EFCAB5: variants seen among roughly 807,000 people sequenced by gnomAD.
EFCAB5 encodes EF-hand calcium binding domain 5.
Under a neutral mutation model 167.9 loss-of-function variants are expected in EFCAB5, and 131 were observed. The observed-to-expected ratio is 0.78, with a 90% confidence interval of 0.68 to 0.90. The LOEUF is 0.90. EFCAB5 is among the 40% of genes least tolerant of loss of function. The probability of loss-of-function intolerance (pLI) is 0.00; values close to 1 mark genes in which losing one functional copy is unlikely to be tolerated. For missense variants in EFCAB5, 1,663 were observed against 1,745.2 expected (o/e 0.95, Z 0.84); for synonymous variants, 574 against 602.8 (o/e 0.95, Z 0.70).
intron 4 of EFCAB5, among the ~76,000 whole-genome samples, chr17:29,981,526 A>C (rs1051409336): frequency 1.3e-5 from 2 of 152,096 alleles, no homozygotes; most frequent in Non-Finnish European, 2.9e-5. Context: ...CCTTCATTGC[A>C]CTTATCACAG....
chr17:29,942,430 A>C, intron 2 of EFCAB5, 128 bp downstream of exon 2: 11 of 773,800 alleles, frequency 1.4e-5, no homozygotes, highest in Non-Finnish European at 2.1e-5. Flanking sequence ...GAAAAGGACA[A>C]ACTCATGTTG....
At chr17:30,024,585 TATC>T (rs1435653927) in intron 7 of EFCAB5, among the ~76,000 whole-genome samples, 2 of 151,982 alleles carry the variant, frequency 1.3e-5, no homozygotes, top group Non-Finnish European at 2.9e-5. Context: ...GAAGAATCAA[TATC>T]ATGAAAATGG....
intron 4 of EFCAB5, among the ~76,000 whole-genome samples, chr17:29,981,637 C>T (rs2068177706): frequency 6.6e-6 from 1 of 152,198 alleles, no homozygotes; most frequent in African/African-American, 2.4e-5. Flanking sequence ...ATGAGTAATG[C>T]TCAATAAATG....
chr17:30,080,764 T>G lies in EFCAB5; in HGVS notation c.3209T>G (p.Val1070Gly), dbSNP rs754397826. Residue 1070 changes from valine to glycine, a missense_variant, in exon 17 of 23, where the codon GTG becomes GGG. By Grantham distance (109) the Val-to-Gly change is moderately radical (BLOSUM62 -3). Transcript: ENST00000394835. The stretch of plus-strand genomic sequence containing the variant: ...CTCTTTTTCCTCAGCTTTACAGTAG[T>G]GGATGAAGGGAAGCCAATCCATGTT... ...RDMKGISFTVVDEGKPIHVPQ... is the reference protein window; with the variant it reads ...RDMKGISFTVGDEGKPIHVPQ... The G allele has an allele frequency of 6.2e-7, 1 of 1,603,006 alleles. No homozygotes were observed. The highest frequency in any genetic ancestry group is 8.5e-7 in the Non-Finnish European group (1 of 1,174,364).
chr17:30,056,258 T>TG (rs2070263518), intron 12 of EFCAB5, 102 bp downstream of exon 12: 1 of 1,040,458 alleles, frequency 9.6e-7, no homozygotes, highest in Admixed American at 2.4e-5. Flanking sequence ...TAAGGCAGAA[T>TG]GGGAAGGTGT....
At chr17:30,056,222 A>G (rs1239487553) in intron 12 of EFCAB5, 66 bp downstream of exon 12, 18 of 1,416,238 alleles carry the variant, frequency 1.3e-5, no homozygotes, top group Non-Finnish European at 1.6e-5. Flanking sequence ...TTACTGTGGT[A>G]CTCGATGATA....
chr17:30,063,273 G>A (rs1192579888), intron 14 of EFCAB5, among the ~76,000 whole-genome samples: 4 of 152,128 alleles, frequency 2.6e-5, no homozygotes, highest in African/African-American at 7.2e-5. Context: ...TGCTGCCACC[G>A]TACCTGGTCT....
intron 8 of EFCAB5, among the ~76,000 whole-genome samples, chr17:30,042,597 A>G (rs549788288): frequency 5.7e-4 from 87 of 152,334 alleles, no homozygotes; most frequent in African/African-American, 2.1e-3. Flanking sequence ...AAAAGAAAAT[A>G]GGAAAACTAG....
intron 7 of EFCAB5, among the ~76,000 whole-genome samples, chr17:30,017,228 A>C (rs376854305): frequency 2.6e-5 from 4 of 152,114 alleles, no homozygotes. Context: ...AAAACCACAC[A>C]AAAAATAGAA....
chr17:30,100,435 G>A (rs987257845), intron 22 of EFCAB5, among the ~76,000 whole-genome samples: 24 of 152,238 alleles, frequency 1.6e-4, no homozygotes, highest in African/African-American at 4.8e-4. Flanking sequence ...GAGGAGGCAC[G>A]GGCTGCAAAT....
chr17:29,933,237 A>G (rs1347912515), intron 1 of EFCAB5, among the ~76,000 whole-genome samples: 1 of 152,234 alleles, frequency 6.6e-6, no homozygotes, highest in African/African-American at 2.4e-5. Context: ...CTATATACGT[A>G]CAAAGTTCTA....
intron 7 of EFCAB5, among the ~76,000 whole-genome samples, chr17:30,018,428 G>A (rs1597676075): frequency 6.6e-6 from 1 of 152,006 alleles, no homozygotes; most frequent in East Asian, 1.9e-4. Context: ...TTTTAAAAAT[G>A]TATTGAATAT....
At chr17:30,000,894 A>G (rs1411340111) in intron 7 of EFCAB5, among the ~76,000 whole-genome samples, 1 of 152,186 alleles carries the variant, frequency 6.6e-6, no homozygotes, top group Admixed American at 6.5e-5. Context: ...CATACTATGA[A>G]CCATCTCCTT....
At chr17:29,983,293 T>C (rs960437748) in intron 4 of EFCAB5, among the ~76,000 whole-genome samples, 10 of 152,362 alleles carry the variant, frequency 6.6e-5, no homozygotes, top group African/African-American at 2.4e-4. Flanking sequence ...GAGCCCATGC[T>C]CATTTCCATG....
chr17:29,933,247 A>G (rs1239342891), intron 1 of EFCAB5, among the ~76,000 whole-genome samples: 1 of 152,258 alleles, frequency 6.6e-6, no homozygotes. Context: ...ACAAAGTTCT[A>G]TAGAAACAAA....
intron 7 of EFCAB5, among the ~76,000 whole-genome samples, chr17:30,001,642 G>A (rs1039865440): frequency 3.3e-5 from 5 of 152,080 alleles, no homozygotes; most frequent in African/African-American, 1.2e-4. Context: ...TTTATGATAT[G>A]TGAATTATGT....
chr17:30,095,935 T>C lies in EFCAB5; in HGVS notation c.4321+2999T>C, dbSNP rs146015175. On this transcript the variant is annotated intron_variant, in intron 22 of 22. Coordinates refer to ENST00000394835, the MANE Select transcript of EFCAB5 (RefSeq NM_198529.4). The stretch of plus-strand genomic sequence containing the variant: ...CCATCGCAGCTAGACTTGGGTTTAA[T>C]AGAGAGCTAAGAGTGCACCATTTAT... Among the ~76,000 whole-genome samples the C allele has an allele frequency of 5.9e-5, 9 of 152,362 alleles. No individual in the cohort carries two copies. The South Asian group carries it at 8.3e-4, about 14-fold the overall frequency.
At chr17:30,012,828 T>A (rs1296846644) in intron 7 of EFCAB5, among the ~76,000 whole-genome samples, 1 of 152,210 alleles carries the variant, frequency 6.6e-6, no homozygotes, top group Non-Finnish European at 1.5e-5. Context: ...TGGCCAGAAC[T>A]TCCAACACTA....
At chr17:29,970,600 A>G (rs1025139629) in intron 4 of EFCAB5, among the ~76,000 whole-genome samples, 1 of 150,732 alleles carries the variant, frequency 6.6e-6, no homozygotes, top group African/African-American at 2.4e-5. Context: ...ACTGCACTCC[A>G]GCCTGGGTAC....
Sources: allele counts gnomAD v4.1 joint callset (sites outside exome capture counted in the v4.1 genomes callset), GRCh38; gene constraint gnomAD v4.1.1; transcripts MANE v1.5; gene names NCBI Gene and HGNC (gene_info 2026-07-23, HGNC 2026-07-21).